Variants in GLIS3 observed in about 807,000 individuals in gnomAD.
The protein encoded by GLIS3 is zinc finger protein GLIS3.
GLIS3 carries 53 observed loss-of-function variants against 78.6 expected under a neutral mutation model. The ratio of observed to expected loss-of-function variants is 0.67; its 90% CI spans 0.54 to 0.85. The LOEUF (loss-of-function observed/expected upper bound fraction) is 0.85. Ranked by LOEUF, GLIS3 falls within the 40% of genes least tolerant of loss-of-function variation. The probability of loss-of-function intolerance (pLI) is 0.00; values close to 1 mark genes in which losing one functional copy is unlikely to be tolerated. For missense variants in GLIS3, 1,703 were observed against 1,231.1 expected (o/e 1.38, Z -5.74); for synonymous variants, 684 against 509.9 (o/e 1.34, Z -4.60).
chr9:3,884,767 CA>C (rs1191853995), intron 7 of GLIS3, among the ~76,000 whole-genome samples: 3 of 152,154 alleles, frequency 2.0e-5, no homozygotes, highest in African/African-American at 7.2e-5. Context: ...ACGTGGCAGG[CA>C]AATAGCGGGG....
At chr9:4,009,909 T>C (rs1351153880) in intron 4 of GLIS3, among the ~76,000 whole-genome samples, 1 of 152,168 alleles carries the variant, frequency 6.6e-6, no homozygotes, top group Non-Finnish European at 1.5e-5. Context: ...TCTCAAGTAG[T>C]AGGGGCTTTC....
chr9:4,195,700 C>T (rs1017775649), intron 2 of GLIS3, among the ~76,000 whole-genome samples: 2 of 152,262 alleles, frequency 1.3e-5, no homozygotes, highest in Non-Finnish European at 2.9e-5. Flanking sequence ...CCGCCCATGG[C>T]CACAGCGCGG....
At position 3,828,362 on chromosome 9, in the gene GLIS3, G is replaced by A. The variant is rs1395748753; in HGVS notation, c.2703C>T (p.Leu901=). ...AGGTAGCATCTTCAGCCCCGCTGCG[G>A]AGAGACTCCCCAAAGAGGCTCGAGG... ...SSSSSLFGES[L]RSGAEDATFL... The change falls in exon 11 of 11, where the codon CTC becomes CTT. Residue 901 remains leucine (L), a synonymous_variant. Transcript: ENST00000381971. 2.5e-6 allele frequency: 4 copies of A among 1,613,906 alleles called. No individual in the cohort carries two copies. Among genetic ancestry groups the A allele is most frequent in the Non-Finnish European group, 3.4e-6 (4 of 1,180,026 alleles).
In GLIS3 at chr9:3,937,112, C is replaced by T. The variant is rs150364458; in HGVS notation, c.1788G>A (p.Pro596=). 7.2e-4 allele frequency: 1,158 copies of T among 1,614,058 alleles called. 1 individual carries two copies. Among genetic ancestry groups the T allele is most frequent in the Non-Finnish European group, 8.7e-4 (1,024 of 1,180,024 alleles). The change falls in exon 5 of 11, where the codon CCG becomes CCA. Residue 596 remains proline, a synonymous_variant. Coordinates refer to ENST00000381971, the MANE Select transcript of GLIS3 (RefSeq NM_001042413.2). ...IHLRSHTGEK[P]YLCQHPGCQK... is the part of the protein sequence containing the mutation. Reference sequence around the variant, plus strand: ...GACAACCCGGATGCTGGCACAAATACGGCTTCTCGCCTGTGTGGCTCCGCA... The same window carrying T: ...GACAACCCGGATGCTGGCACAAATATGGCTTCTCGCCTGTGTGGCTCCGCA...
At chr9:4,008,778 G>A (rs1344371003) in intron 4 of GLIS3, among the ~76,000 whole-genome samples, 1 of 152,156 alleles carries the variant, frequency 6.6e-6, no homozygotes, top group African/African-American at 2.4e-5. Flanking sequence ...TAAAGCCAGT[G>A]ACATTTAGAG....
At chr9:4,170,797 A>T (rs906903697) in intron 2 of GLIS3, among the ~76,000 whole-genome samples, 3 of 152,194 alleles carry the variant, frequency 2.0e-5, no homozygotes, top group Non-Finnish European at 4.4e-5. Context: ...CATAGGCAGG[A>T]GGAATATTCA....
chr9:4,069,473 C>T (rs539906929), intron 4 of GLIS3, among the ~76,000 whole-genome samples: 1 of 152,190 alleles, frequency 6.6e-6, no homozygotes, highest in East Asian at 1.9e-4. Flanking sequence ...CCTCAACGCA[C>T]ACTAAAAGAC....
rs184946969 is a variant in GLIS3, at chr9:4,285,161, T to C, written c.388+877A>G. Among the ~76,000 whole-genome samples, 852 of 152,328 alleles carry C rather than the reference T, an allele frequency of 5.6e-3. 8 individuals carry two copies. The highest frequency in any genetic ancestry group is 7.9e-3 in the Non-Finnish European group (537 of 68,026). On this transcript the variant is annotated intron_variant, in intron 2 of 10. Coordinates refer to ENST00000381971, the MANE Select transcript of GLIS3 (RefSeq NM_001042413.2). ...AACATAAACATTTAAGACGGAATGC[T>C]AAAAATACCTTAAGGAATATATAAT...
rs981365250 is a variant in GLIS3, at chr9:3,961,350, A to C, written c.1711-24161T>G. ...ACAAGTAGAATGAATAAATGCTTGG[A>C]ATACAGGCTTGAATCTGATATGTGA... On this transcript the variant is annotated intron_variant, in intron 4 of 10. Coordinates refer to ENST00000381971, the MANE Select transcript of GLIS3 (RefSeq NM_001042413.2). Among the ~76,000 whole-genome samples, 3 of 152,212 alleles carry C rather than the reference A, an allele frequency of 2.0e-5. No individual in the cohort carries two copies. The South Asian group carries it at 6.2e-4, about 32-fold the overall frequency.
At chr9:3,863,586 C>T (rs904121192) in intron 8 of GLIS3, among the ~76,000 whole-genome samples, 3 of 152,184 alleles carry the variant, frequency 2.0e-5, no homozygotes, top group African/African-American at 7.2e-5. Flanking sequence ...TTGGAAAAGA[C>T]CAGGACTCAA....
At chr9:4,401,671 G>A in the GLIS3 span, among the ~76,000 whole-genome samples, 3 of 151,346 alleles carry the variant, frequency 2.0e-5, no homozygotes, top group Non-Finnish European at 4.4e-5. Flanking sequence ...GGGTTCAAGC[G>A]ATTCTCATGC....
chr9:4,020,029 G>C (rs1031802308), intron 4 of GLIS3, among the ~76,000 whole-genome samples: 3 of 152,162 alleles, frequency 2.0e-5, no homozygotes, highest in Non-Finnish European at 4.4e-5. Flanking sequence ...GGGATTACAG[G>C]CATGAGCCAC....
rs192067161 is a variant in GLIS3, at chr9:4,223,767, A to G, written c.388+62271T>C. Reference sequence around the variant, plus strand: ...TTGGATTTTTCTATTTGCTTAAAATACTGATTTTTTCTACATTTTCTGGTT... The same window carrying G: ...TTGGATTTTTCTATTTGCTTAAAATGCTGATTTTTTCTACATTTTCTGGTT... On this transcript the variant is annotated intron_variant, in intron 2 of 10. Transcript: ENST00000381971. Among the ~76,000 whole-genome samples the G allele has an allele frequency of 6.0e-3, 915 of 152,276 alleles. 4 individuals carry two copies. The highest frequency in any genetic ancestry group is 9.6e-3 in the Non-Finnish European group (653 of 68,012).
chr9:4,079,563 G>C (rs1033278684), intron 4 of GLIS3, among the ~76,000 whole-genome samples: 1 of 152,154 alleles, frequency 6.6e-6, no homozygotes, highest in Non-Finnish European at 1.5e-5. Flanking sequence ...TCCGCATTCT[G>C]TTCCTCTGCC....
chr9:4,210,435 C>A (rs547438382), intron 2 of GLIS3, among the ~76,000 whole-genome samples: 1 of 152,298 alleles, frequency 6.6e-6, no homozygotes, highest in South Asian at 2.1e-4. Flanking sequence ...AATTGCCAAT[C>A]CGAAAACAGG....
intron 2 of GLIS3, among the ~76,000 whole-genome samples, chr9:4,210,745 G>A (rs1180267262): frequency 3.3e-5 from 5 of 152,256 alleles, no homozygotes; most frequent in African/African-American, 7.2e-5. Context: ...CCCACTGGCT[G>A]TACGCTTCGA....
intron 2 of GLIS3, among the ~76,000 whole-genome samples, chr9:4,170,970 G>T (rs1816323544): frequency 6.6e-6 from 1 of 152,082 alleles, no homozygotes; most frequent in Non-Finnish European, 1.5e-5. Context: ...CATATACTTA[G>T]AACTGTGTCA....
At chr9:4,104,246 T>G (rs1186282350) in intron 4 of GLIS3, among the ~76,000 whole-genome samples, 1 of 152,064 alleles carries the variant, frequency 6.6e-6, no homozygotes, top group African/African-American at 2.4e-5. Flanking sequence ...CTTCCCTCCC[T>G]AAATCTCCCA....
At chr9:4,026,527 AATCT>A (rs879335718) in intron 4 of GLIS3, among the ~76,000 whole-genome samples, 242 of 152,292 alleles carry the variant, frequency 1.6e-3, no homozygotes, top group African/African-American at 4.3e-3. Flanking sequence ...GGAGGAAAAA[AATCT>A]ATCTATCTAT....
Sources: allele counts gnomAD v4.1 joint callset (sites outside exome capture counted in the v4.1 genomes callset), GRCh38; gene constraint gnomAD v4.1.1; transcripts MANE v1.5; gene names NCBI Gene and HGNC (gene_info 2026-07-23, HGNC 2026-07-21).